ARHGAP39: variants seen among roughly 807,000 people sequenced by gnomAD.
ARHGAP39 encodes rho GTPase-activating protein 39.
ARHGAP39 carries 44 observed loss-of-function variants against 106.9 expected under a neutral mutation model. The ratio of observed to expected loss-of-function variants is 0.41; its 90% CI spans 0.32 to 0.53. The LOEUF is 0.53. Among genes scored for constraint, ARHGAP39 ranks in the 20% least tolerant of loss-of-function variants. The pLI is 0.21. For missense variants in ARHGAP39, 1,496 were observed against 1,577.3 expected (o/e 0.95, Z 0.87); for synonymous variants, 768 against 693.2 (o/e 1.11, Z -1.69).
At chr8:144,651,712 A>C (rs1821578999) in intron 1 of ARHGAP39, among the ~76,000 whole-genome samples, 1 of 152,064 alleles carries the variant, frequency 6.6e-6, no homozygotes, top group African/African-American at 2.4e-5. Context: ...CTCAAAAAAA[A>C]ATTAAAAATA....
At chr8:144,678,768 G>A (rs1426930165) in intron 1 of ARHGAP39, among the ~76,000 whole-genome samples, 1 of 152,184 alleles carries the variant, frequency 6.6e-6, no homozygotes, top group African/African-American at 2.4e-5. Context: ...TCCAAATATT[G>A]CCAAATGTGG....
chr8:144,665,877 C>T (rs898656350), intron 1 of ARHGAP39, among the ~76,000 whole-genome samples: 2 of 152,224 alleles, frequency 1.3e-5, no homozygotes, highest in African/African-American at 4.8e-5. Flanking sequence ...CCTAGTGGAT[C>T]TGTGAGAAGA....
intron 6 of ARHGAP39, among the ~76,000 whole-genome samples, chr8:144,543,299 G>A (rs1184777380): frequency 6.6e-6 from 1 of 152,188 alleles, no homozygotes; most frequent in African/African-American, 2.4e-5. Context: ...GCAGCAGCCA[G>A]CACCTGCATG....
intron 2 of ARHGAP39, among the ~76,000 whole-genome samples, chr8:144,600,622 G>A (rs1273827343): frequency 9.2e-5 from 13 of 141,408 alleles, no homozygotes; most frequent in South Asian, 2.3e-4. Flanking sequence ...GCGTGCGTGC[G>A]CACTTGGGTA....
At chr8:144,628,453 G>A (rs914309267) in intron 1 of ARHGAP39, among the ~76,000 whole-genome samples, 4 of 152,198 alleles carry the variant, frequency 2.6e-5, no homozygotes, top group East Asian at 1.9e-4. Context: ...GGAGTGGCAT[G>A]CCAAGTCAAA....
At chr8:144,650,563 A>C (rs574816313) in intron 1 of ARHGAP39, among the ~76,000 whole-genome samples, 35 of 152,316 alleles carry the variant, frequency 2.3e-4, no homozygotes, top group African/African-American at 8.4e-4. Flanking sequence ...CACCACAATC[A>C]AGCAGACTTC....
intron 4 of ARHGAP39, among the ~76,000 whole-genome samples, chr8:144,549,318 C>G (rs1477238147): frequency 3.9e-5 from 6 of 152,216 alleles, no homozygotes; most frequent in Non-Finnish European, 8.8e-5. Context: ...ACGAGGGGCC[C>G]CTCCACCACC....
rs1214190544 is a variant in ARHGAP39, at chr8:144,670,733, A to G, written c.-82+14953T>C. The stretch of plus-strand genomic sequence containing the variant: ...GGCTTGCCCTGAGCTCCTCATCTAA[A>G]TGAAGCATGCTAGATTTGCTGTCAC... On this transcript the variant is annotated intron_variant, in intron 1 of 11. Coordinates refer to ENST00000377307, the MANE Select transcript of ARHGAP39 (RefSeq NM_025251.3). This position sits in a 1 kb window ranked among gnomAD's most constrained non-coding sequence, Gnocchi z 4.4. Among the ~76,000 whole-genome samples the G allele has an allele frequency of 2.0e-5, 3 of 152,166 alleles. No homozygotes were observed. The highest frequency in any genetic ancestry group is 6.5e-5 in the Admixed American group (1 of 15,284).
At chr8:144,600,450 G>A (rs1586597443) in intron 2 of ARHGAP39, among the ~76,000 whole-genome samples, 1 of 146,350 alleles carries the variant, frequency 6.8e-6, no homozygotes, top group Non-Finnish European at 1.5e-5. Flanking sequence ...GCGTGCATGT[G>A]CACTTGGGTA....
chr8:144,553,587 A>C (rs1817801997), intron 4 of ARHGAP39, among the ~76,000 whole-genome samples: 2 of 152,184 alleles, frequency 1.3e-5, no homozygotes. Flanking sequence ...GGCCTCCCTC[A>C]TACTCCCGTC....
chr8:144,531,144 G>A lies in ARHGAP39; in HGVS notation c.2981-273C>T, dbSNP rs567421921. On this transcript the variant is annotated intron_variant, in intron 10 of 11. Coordinates refer to ENST00000377307, the MANE Select transcript of ARHGAP39 (RefSeq NM_025251.3). ...CTCAGGAGTCGTCTGTGTAGCCACCGTGAGGGGGTGTCTGCAGAGCAGGCA... is the reference window on the plus strand; with the variant it reads ...CTCAGGAGTCGTCTGTGTAGCCACCATGAGGGGGTGTCTGCAGAGCAGGCA... Among the ~76,000 whole-genome samples, 4 of 152,380 alleles carry A rather than the reference G, an allele frequency of 2.6e-5. No homozygotes were observed. In the East Asian group the frequency reaches 7.7e-4, roughly 29 times the overall value.
At chr8:144,628,409 G>A (rs1307990234) in intron 1 of ARHGAP39, among the ~76,000 whole-genome samples, 1 of 152,132 alleles carries the variant, frequency 6.6e-6, no homozygotes, top group Non-Finnish European at 1.5e-5. Flanking sequence ...CAACCCTCGT[G>A]CCAGATGAGA....
At chr8:144,653,024 G>A (rs971359192) in intron 1 of ARHGAP39, among the ~76,000 whole-genome samples, 3 of 152,142 alleles carry the variant, frequency 2.0e-5, no homozygotes, top group Non-Finnish European at 2.9e-5. Context: ...GAGGCCGGGC[G>A]CAGTGGCTCA....
chr8:144,654,985 A>G (rs757692195), intron 1 of ARHGAP39, among the ~76,000 whole-genome samples: 1 of 152,192 alleles, frequency 6.6e-6, no homozygotes, highest in African/African-American at 2.4e-5. Context: ...TTGGGGGCCC[A>G]GGAAGGCCCC....
intron 1 of ARHGAP39, among the ~76,000 whole-genome samples, chr8:144,639,938 C>A (rs1233106746): frequency 6.6e-6 from 1 of 152,154 alleles, no homozygotes; most frequent in Non-Finnish European, 1.5e-5. Flanking sequence ...TGCACTGACA[C>A]AATAATTTAC....
intron 2 of ARHGAP39, among the ~76,000 whole-genome samples, chr8:144,587,397 G>A (rs1313271650): frequency 6.6e-6 from 1 of 152,192 alleles, no homozygotes; most frequent in Non-Finnish European, 1.5e-5. Context: ...GACAAGATGA[G>A]TTTCTACAGA....
the ARHGAP39 span, among the ~76,000 whole-genome samples, chr8:144,693,417 A>G: frequency 2.0e-5 from 3 of 148,800 alleles, no homozygotes; most frequent in Non-Finnish European, 4.4e-5. Flanking sequence ...TCTGTCGCCC[A>G]GGCTGGAGTG....
chr8:144,582,231 C>T (rs1314377739), intron 2 of ARHGAP39, among the ~76,000 whole-genome samples: 1 of 152,196 alleles, frequency 6.6e-6, no homozygotes, highest in Non-Finnish European at 1.5e-5. Flanking sequence ...AGGTCAAGGA[C>T]AGAAAGAGCC....
chr8:144,545,821 CA>C lies in ARHGAP39; in HGVS notation c.1960-12del. The C allele has an allele frequency of 8.9e-7, 1 of 1,124,750 alleles. No individual in the cohort carries two copies. Among genetic ancestry groups the C allele is most frequent in the East Asian group, 2.8e-5 (1 of 35,164 alleles). 69.7% of individuals were successfully genotyped at this position (1,124,750 alleles called of 1,614,324 possible). A position where few individuals can be genotyped will look rare whatever the true frequency, so the allele number is the denominator to read the frequency against. The stretch of plus-strand genomic sequence containing the variant: ...AGCGAGGTCCTCAGACTGAGAAGGA[CA>C]AATGCGGCTGGGCTGTTGGGGGTGG... On this transcript the variant is annotated splice_polypyrimidine_tract_variant and intron_variant, in intron 5 of 11. Transcript: ENST00000377307.
Sources: allele counts gnomAD v4.1 joint callset (sites outside exome capture counted in the v4.1 genomes callset), GRCh38; gene constraint gnomAD v4.1.1; non-coding constraint Gnocchi (gnomAD v3.1); transcripts MANE v1.5; gene names NCBI Gene and HGNC (gene_info 2026-07-23, HGNC 2026-07-21).